The following SGCD variants were observed in gnomAD, a reference collection of about 807,000 sequenced individuals.
The protein encoded by SGCD is delta-sarcoglycan.
A neutral mutation model predicts 36.6 loss-of-function variants in SGCD; 18 were observed. The observed-to-expected ratio is 0.49, with a 90% CI of 0.34 to 0.73. SGCD has a LOEUF of 0.73. SGCD is among the 30% of genes least tolerant of loss of function. SGCD has a pLI of 0.01. For missense variants in SGCD, 387 were observed against 346.7 expected (o/e 1.12, Z -0.92); for synonymous variants, 133 against 130.6 (o/e 1.02, Z -0.12).
chr5:156,690,055 A>C (rs548562154), intron 7 of SGCD, among the ~76,000 whole-genome samples: 30 of 152,180 alleles, frequency 2.0e-4, no homozygotes, highest in Non-Finnish European at 3.5e-4. Context: ...TGCCGTTGCT[A>C]TTTAAACACA....
chr5:156,451,278 A>G lies in SGCD; in HGVS notation c.193-57323A>G, dbSNP rs192208035. Among the ~76,000 whole-genome samples the G allele has an allele frequency of 1.0e-3, 159 of 152,266 alleles. 2 individuals carry two copies. The highest frequency in any genetic ancestry group is 3.5e-3 in the African/African-American group (144 of 41,564). On this transcript the variant is annotated intron_variant, in intron 3 of 8. Transcript: ENST00000337851. ...AGAAATATAGTCTGGTTGGCAGCAT[A>G]ATTAGGTGAGTTCATGGCTGGCTGA...
intron 1 of SGCD, among the ~76,000 whole-genome samples, chr5:155,932,868 C>A (rs1757124372): frequency 6.6e-6 from 1 of 152,062 alleles, no homozygotes; most frequent in African/African-American, 2.4e-5. Flanking sequence ...TTTAAGGTGA[C>A]CACCGTGAAA....
intron 1 of SGCD, among the ~76,000 whole-genome samples, chr5:155,887,085 C>T (rs1360497266): frequency 4.6e-5 from 7 of 152,108 alleles, no homozygotes; most frequent in Admixed American, 1.3e-4. Flanking sequence ...GGACTCTGAC[C>T]GTGTATCTCA....
intron 4 of SGCD, among the ~76,000 whole-genome samples, chr5:156,533,256 CCACT>C (rs1312261396): frequency 6.6e-6 from 1 of 152,078 alleles, no homozygotes; most frequent in Non-Finnish European, 1.5e-5. Flanking sequence ...CATTTTTTCT[CCACT>C]CAAACTGCAG....
At chr5:155,825,249 C>T in the SGCD span, among the ~76,000 whole-genome samples, 2,966 of 152,230 alleles carry the variant, frequency 0.019, 93 homozygotes, top group African/African-American at 0.068. Flanking sequence ...AGCGGACTTC[C>T]TCTAGACTTA....
upstream of SGCD, among the ~76,000 whole-genome samples, chr5:155,869,369 T>C (rs1755586529): frequency 6.6e-6 from 1 of 152,224 alleles, no homozygotes; most frequent in Non-Finnish European, 1.5e-5. Context: ...ACTTTCTTTT[T>C]ATGCTAACTC....
intron 3 of SGCD, among the ~76,000 whole-genome samples, chr5:156,242,803 G>T (rs1296331621): frequency 6.6e-6 from 1 of 152,230 alleles, no homozygotes. Flanking sequence ...TGGTGTTGGA[G>T]CCTGAGATGA....
chr5:156,304,459 G>A (rs554323114), intron 3 of SGCD, among the ~76,000 whole-genome samples: 1 of 152,272 alleles, frequency 6.6e-6, no homozygotes, highest in East Asian at 1.9e-4. Flanking sequence ...GATGTGACTT[G>A]CTCCTCCTTG....
intron 3 of SGCD, among the ~76,000 whole-genome samples, chr5:156,379,764 A>G (rs1008214681): frequency 2.0e-5 from 3 of 152,128 alleles, no homozygotes; most frequent in African/African-American, 7.2e-5. Flanking sequence ...AGAGGGTAGT[A>G]TTTTTAAAGG....
At chr5:155,742,379 A>G in the SGCD span, among the ~76,000 whole-genome samples, 1 of 152,124 alleles carries the variant, frequency 6.6e-6, no homozygotes, top group Admixed American at 6.5e-5. Context: ...TTCCTGGGAG[A>G]ATAAAAGACA....
At chr5:155,934,311 G>A (rs1757154880) in intron 1 of SGCD, among the ~76,000 whole-genome samples, 1 of 152,204 alleles carries the variant, frequency 6.6e-6, no homozygotes, top group Non-Finnish European at 1.5e-5. Flanking sequence ...CCGTGAAAAT[G>A]GCCTGACTTA....
chr5:156,277,272 C>T (rs560268462), intron 3 of SGCD, among the ~76,000 whole-genome samples: 1 of 152,282 alleles, frequency 6.6e-6, no homozygotes, highest in Non-Finnish European at 1.5e-5. Flanking sequence ...CCTTCCCCTG[C>T]CTCTTCCTTT....
chr5:156,505,224 C>T (rs1007568323), intron 3 of SGCD, among the ~76,000 whole-genome samples: 1 of 152,186 alleles, frequency 6.6e-6, no homozygotes, highest in African/African-American at 2.4e-5. Flanking sequence ...CGTGCCATGT[C>T]CCCCAGCCTG....
At chr5:155,790,944 A>G in the SGCD span, among the ~76,000 whole-genome samples, 5 of 152,286 alleles carry the variant, frequency 3.3e-5, no homozygotes, top group East Asian at 9.7e-4. Context: ...GGACTTTATT[A>G]CATGCTACAA....
the SGCD span, among the ~76,000 whole-genome samples, chr5:155,793,967 AAAAG>A: frequency 8.5e-5 from 13 of 152,094 alleles, no homozygotes; most frequent in Admixed American, 3.9e-4. Context: ...AAAAAAAAAA[AAAAG>A]AGAGAGAAAG....
intron 1 of SGCD, among the ~76,000 whole-genome samples, chr5:156,074,236 G>A (rs543748716): frequency 6.6e-6 from 1 of 152,272 alleles, no homozygotes; most frequent in African/African-American, 2.4e-5. Flanking sequence ...ATGCACAGAA[G>A]GTTCTGTGGT....
the SGCD span, among the ~76,000 whole-genome samples, chr5:155,853,528 CA>C: frequency 3.3e-5 from 5 of 152,170 alleles, no homozygotes; most frequent in Non-Finnish European, 5.9e-5. Flanking sequence ...CATTTATTCT[CA>C]ATTTTGTTTT....
chr5:155,943,914 C>T (rs1158766692), intron 1 of SGCD, among the ~76,000 whole-genome samples: 1 of 152,144 alleles, frequency 6.6e-6, no homozygotes, highest in African/African-American at 2.4e-5. Flanking sequence ...CCTTTATTGT[C>T]GAATAGCTCA....
At chr5:156,147,970 T>A (rs1001499815) in intron 3 of SGCD, among the ~76,000 whole-genome samples, 8 of 152,234 alleles carry the variant, frequency 5.3e-5, no homozygotes, top group African/African-American at 1.9e-4. Flanking sequence ...TCCTTCTGCT[T>A]ATTTCATTCC....
Sources: allele counts gnomAD v4.1 joint callset (sites outside exome capture counted in the v4.1 genomes callset), GRCh38; gene constraint gnomAD v4.1.1; transcripts MANE v1.5; gene names NCBI Gene and HGNC (gene_info 2026-07-23, HGNC 2026-07-21).